CYTH3: variants seen among roughly 807,000 people sequenced by gnomAD.
CYTH3 encodes cytohesin-3.
In CYTH3, 23 loss-of-function variants were observed where a neutral mutation model predicts 55.1. The ratio of observed to expected loss-of-function variants is 0.42; its 90% CI spans 0.30 to 0.59. The LOEUF is 0.59. CYTH3 is among the 20% of genes least tolerant of loss of function. The pLI, the probability that CYTH3 is intolerant of heterozygous loss-of-function variation, is 0.20. For missense variants in CYTH3, 413 were observed against 524.8 expected (o/e 0.79, Z 2.08); for synonymous variants, 249 against 194.9 (o/e 1.28, Z -2.31).
chr7:6,211,666 A>C (rs1030173621), intron 1 of CYTH3, among the ~76,000 whole-genome samples: 9 of 152,078 alleles, frequency 5.9e-5, no homozygotes, highest in Non-Finnish European at 1.3e-4. Flanking sequence ...TGTACAATTA[A>C]ATTATTATTG....
At chr7:6,270,074 TTTA>T (rs1249733258) in intron 1 of CYTH3, among the ~76,000 whole-genome samples, 1 of 152,226 alleles carries the variant, frequency 6.6e-6, no homozygotes, top group Non-Finnish European at 1.5e-5. Flanking sequence ...AGAGCTCAAC[TTTA>T]TTTTTTTAAA....
chr7:6,176,571 T>C (rs1783357607), intron 5 of CYTH3, among the ~76,000 whole-genome samples: 1 of 152,228 alleles, frequency 6.6e-6, no homozygotes, highest in African/African-American at 2.4e-5. Flanking sequence ...AATTGAGTTT[T>C]GTATATTAAT....
intron 1 of CYTH3, among the ~76,000 whole-genome samples, chr7:6,193,184 G>A (rs1783844753): frequency 6.7e-6 from 1 of 149,440 alleles, no homozygotes; most frequent in Non-Finnish European, 1.5e-5. Context: ...AAGAAAAAAG[G>A]AAATTGGGCA....
At position 6,170,724 on chromosome 7, in the gene CYTH3, AG is replaced by A. The variant is rs943212284; in HGVS notation, c.712-79del. ...GCCGGGCAGAAAGCTCAGCGGGACC[AG>A]GGCGGCAAGGAGGCTTGGGAGGCGT... is the stretch of plus-strand genomic sequence containing the variant. On this transcript the variant is annotated intron_variant, in intron 8 of 12. Coordinates refer to ENST00000350796, the MANE Select transcript of CYTH3 (RefSeq NM_004227.4). The surrounding 1 kb of genome is among the most constrained non-coding windows in gnomAD (Gnocchi z 7.8). The A allele has an allele frequency of 1.3e-6, 2 of 1,568,024 alleles. No homozygotes were observed. Among genetic ancestry groups the A allele is most frequent in the African/African-American group, 2.7e-5 (2 of 73,878 alleles).
chr7:6,220,207 ATT>A (rs988101111), intron 1 of CYTH3, among the ~76,000 whole-genome samples: 1 of 152,102 alleles, frequency 6.6e-6, no homozygotes, highest in Non-Finnish European at 1.5e-5. Context: ...TAGCCAAGTG[ATT>A]TTTGACAAAG....
At chr7:6,190,428 G>C in intron 2 of CYTH3, 21 bp downstream of exon 2, 1 of 1,265,630 alleles carries the variant, frequency 7.9e-7, no homozygotes, top group Non-Finnish European at 1.0e-6. Context: ...TGGATTTTTG[G>C]TTTTTTTTTT....
intron 2 of CYTH3, chr7:6,189,028 GC>G (rs1467912625): frequency 6.6e-6 from 1 of 152,212 alleles, no homozygotes; most frequent in African/African-American, 2.4e-5. Flanking sequence ...GCCTGTCCTT[GC>G]CGTGGCCTGT....
At chr7:6,189,779 G>T (rs1211558469) in intron 2 of CYTH3, among the ~76,000 whole-genome samples, 2 of 152,076 alleles carry the variant, frequency 1.3e-5, no homozygotes, top group Non-Finnish European at 2.9e-5. Flanking sequence ...GCTCACGTCT[G>T]TGATCCCAGC....
rs944873847 is a variant in CYTH3, at chr7:6,170,812, G to A, written c.711+18C>T. The A allele has an allele frequency of 1.1e-5, 17 of 1,602,672 alleles. No homozygotes were observed. The highest frequency in any genetic ancestry group is 1.2e-5 in the Non-Finnish European group (14 of 1,174,500). On this transcript the variant is annotated intron_variant, in intron 8 of 12. Coordinates refer to ENST00000350796, the MANE Select transcript of CYTH3 (RefSeq NM_004227.4). The surrounding 1 kb of genome is among the most constrained non-coding windows in gnomAD (Gnocchi z 7.8). Reference sequence around the variant, plus strand: ...AGAGATCCTGCAGACGGCAGCGGCCGCGGGCCGGGGAGCTCACCCTCAGCA... The same window carrying A: ...AGAGATCCTGCAGACGGCAGCGGCCACGGGCCGGGGAGCTCACCCTCAGCA...
intron 1 of CYTH3, among the ~76,000 whole-genome samples, chr7:6,269,253 C>T (rs1042481338): frequency 2.0e-5 from 3 of 152,182 alleles, no homozygotes; most frequent in African/African-American, 7.2e-5. Flanking sequence ...CACTCTTACC[C>T]GTAAATGTTT....
At chr7:6,190,903 C>A (rs1349522740) in intron 1 of CYTH3, among the ~76,000 whole-genome samples, 2 of 151,442 alleles carry the variant, frequency 1.3e-5, no homozygotes, top group African/African-American at 4.9e-5. Flanking sequence ...ACGGTGAAAC[C>A]CCATCTCTAT....
intron 3 of CYTH3, 100 bp from the exon 4 acceptor site, chr7:6,187,216 G>C: frequency 7.5e-7 from 1 of 1,324,842 alleles, no homozygotes; most frequent in African/African-American, 1.4e-5. Context: ...ACGGGCTCAA[G>C]GAAGCGAAGC....
intron 1 of CYTH3, among the ~76,000 whole-genome samples, chr7:6,229,036 A>AC (rs887104801): frequency 4.6e-5 from 7 of 151,868 alleles, no homozygotes; most frequent in Non-Finnish European, 8.8e-5. Flanking sequence ...AGATAACCAC[A>AC]CCCCCTCTGA....
intron 1 of CYTH3, among the ~76,000 whole-genome samples, chr7:6,242,375 ATTTT>A (rs10525625): frequency 3.8e-5 from 4 of 105,780 alleles, no homozygotes; most frequent in Non-Finnish European, 6.1e-5. Context: ...CGCGCCTGGC[ATTTT>A]TTTTTTTTTT....
chr7:6,264,638 C>G (rs1780440616), intron 1 of CYTH3, among the ~76,000 whole-genome samples: 1 of 152,084 alleles, frequency 6.6e-6, no homozygotes, highest in Admixed American at 6.5e-5. Context: ...CACCATACAC[C>G]AGAGGGCCCC....
At chr7:6,264,081 T>C (rs1343221031) in intron 1 of CYTH3, among the ~76,000 whole-genome samples, 1 of 151,874 alleles carries the variant, frequency 6.6e-6, no homozygotes, top group Non-Finnish European at 1.5e-5. Context: ...ACCCCATCGC[T>C]ACTAAAAATG....
chr7:6,196,342 A>AC (rs1783927240), intron 1 of CYTH3, among the ~76,000 whole-genome samples: 1 of 152,144 alleles, frequency 6.6e-6, no homozygotes, highest in Non-Finnish European at 1.5e-5. Context: ...CAGGCAGAAA[A>AC]CCAACATCGA....
chr7:6,171,326 C>A lies in CYTH3; in HGVS notation c.450-12G>T. The A allele has an allele frequency of 6.2e-7, 1 of 1,613,554 alleles. No individual in the cohort carries two copies. ...TCCATAAGAACTGCCTGTGGAGACA[C>A]CAAAGCCATGGGAAGCCGCATCAGA... On this transcript the variant is annotated splice_polypyrimidine_tract_variant and intron_variant, in intron 6 of 12. Coordinates refer to ENST00000350796, the MANE Select transcript of CYTH3 (RefSeq NM_004227.4). The surrounding 1 kb of genome is among the most constrained non-coding windows in gnomAD (Gnocchi z 6.7).
intron 1 of CYTH3, among the ~76,000 whole-genome samples, chr7:6,256,866 C>G (rs1260840215): frequency 1.3e-5 from 2 of 152,190 alleles, no homozygotes; most frequent in Non-Finnish European, 2.9e-5. Context: ...AAGAGTGAAG[C>G]TGGCGGGACA....
Sources: allele counts gnomAD v4.1 joint callset (sites outside exome capture counted in the v4.1 genomes callset), GRCh38; gene constraint gnomAD v4.1.1; non-coding constraint Gnocchi (gnomAD v3.1); transcripts MANE v1.5; gene names NCBI Gene and HGNC (gene_info 2026-07-23, HGNC 2026-07-21).